Variants in RAPGEF2 observed in about 807,000 individuals in gnomAD.
RAPGEF2 encodes Rap guanine nucleotide exchange factor 2, also known as PDZ domain containing guanine nucleotide exchange factor (GEF) 1.
A neutral mutation model predicts 186.7 loss-of-function variants in RAPGEF2; 54 were observed. The ratio of observed to expected loss-of-function variants is 0.29; its 90% CI spans 0.23 to 0.36. The LOEUF (loss-of-function observed/expected upper bound fraction) is 0.36. RAPGEF2 is among the 10% of genes least tolerant of loss of function. The probability of loss-of-function intolerance (pLI) is 1.00; values close to 1 mark genes in which losing one functional copy is unlikely to be tolerated. For synonymous variants in RAPGEF2, 712 were observed against 705.9 expected (o/e 1.01, Z -0.14); for missense variants, 1,532 against 2,045.0 (o/e 0.75, Z 4.84).
At chr4:159,171,414 GA>G (rs2111248733) in intron 1 of RAPGEF2, among the ~76,000 whole-genome samples, 1 of 152,268 alleles carries the variant, frequency 6.6e-6, no homozygotes, top group South Asian at 2.1e-4. Context: ...CTGAGCCACA[GA>G]GAGGTTGAGT....
rs1273098512 is a variant in RAPGEF2 at position 159,286,122 on chromosome 4, AAACT to A, written c.544-18218_544-18215del. Among the ~76,000 whole-genome samples the A allele has an allele frequency of 2.7e-5, 4 of 147,860 alleles. No homozygotes were observed. In the South Asian group the frequency reaches 8.6e-4, roughly 32 times the overall value. On this transcript the variant is annotated intron_variant, in intron 7 of 29. Coordinates refer to ENST00000691494, the MANE Select transcript of RAPGEF2 (RefSeq NM_001394067.2). The stretch of plus-strand genomic sequence containing the variant: ...CCAACCAACCAACCATGCAGTCAAC[AAACT>A]ATTAGAGTCCCTAGTTTTCCTCATC...
At chr4:159,245,961 C>A (rs1312968523) in intron 7 of RAPGEF2, among the ~76,000 whole-genome samples, 1 of 152,066 alleles carries the variant, frequency 6.6e-6, no homozygotes, top group African/African-American at 2.4e-5. Context: ...TTCTGGTTGA[C>A]CCCACACCCC....
At chr4:159,350,368 A>G in intron 26 of RAPGEF2, 79 bp downstream of exon 26, 1 of 1,204,120 alleles carries the variant, frequency 8.3e-7, no homozygotes, top group Non-Finnish European at 1.1e-6. Context: ...GTAATGTATT[A>G]CATAATTCCT....
At chr4:159,288,701 C>T (rs1395868280) in intron 7 of RAPGEF2, among the ~76,000 whole-genome samples, 1 of 152,186 alleles carries the variant, frequency 6.6e-6, no homozygotes, top group Non-Finnish European at 1.5e-5. Context: ...TCACGCCTTA[C>T]CTTCCAGTGC....
chr4:159,245,199 T>C (rs7440447), intron 7 of RAPGEF2, among the ~76,000 whole-genome samples: 143,891 of 152,028 alleles, frequency 0.95, 68,119 homozygotes, highest in South Asian at 0.98. Flanking sequence ...TGATTTTCTT[T>C]AGAAACATGA....
chr4:159,105,341 A>G (rs1737760711), intron 1 of RAPGEF2, among the ~76,000 whole-genome samples: 1 of 152,178 alleles, frequency 6.6e-6, no homozygotes, highest in Non-Finnish European at 1.5e-5. Flanking sequence ...CATCTGTTCA[A>G]ATCCAAATGC....
At chr4:159,226,007 C>T (rs11730876) in intron 4 of RAPGEF2, among the ~76,000 whole-genome samples, 55,270 of 151,964 alleles carry the variant, frequency 0.36, 10,504 homozygotes, top group Non-Finnish European at 0.41. Flanking sequence ...TGTCAACCTC[C>T]TTTTTTATAA....
chr4:159,139,309 A>G (rs1252074659), intron 1 of RAPGEF2, among the ~76,000 whole-genome samples: 1 of 152,348 alleles, frequency 6.6e-6, no homozygotes, highest in South Asian at 2.1e-4. Flanking sequence ...GGTATGCACG[A>G]GTCAAATGAC....
chr4:159,344,251 A>T (rs1729965534), intron 23 of RAPGEF2, among the ~76,000 whole-genome samples, 192 bp downstream of exon 23: 1 of 152,152 alleles, frequency 6.6e-6, no homozygotes, highest in African/African-American at 2.4e-5. Flanking sequence ...TGAAGTCATG[A>T]TCCATGAGAG....
At chr4:159,216,325 G>A (rs918952812) in intron 4 of RAPGEF2, among the ~76,000 whole-genome samples, 5 of 152,122 alleles carry the variant, frequency 3.3e-5, no homozygotes, top group African/African-American at 1.2e-4. Context: ...AATTGACATG[G>A]CAAAGACCAT....
rs773334811 is a variant in RAPGEF2 at position 159,304,337 on chromosome 4, C to T, written c.544-5C>T. 1.3e-6 allele frequency: 2 copies of T among 1,596,980 alleles called. No homozygotes were observed. Among genetic ancestry groups the T allele is most frequent in the Non-Finnish European group, 1.7e-6 (2 of 1,168,670 alleles). On this transcript the variant is annotated splice_polypyrimidine_tract_variant and splice_region_variant and intron_variant, in intron 7 of 29. Transcript: ENST00000691494. The stretch of plus-strand genomic sequence containing the variant: ...TAATCCTAGTTTTTCCTGCTCCTTC[C>T]ATAGCTTCCTGCAGATTTCACAAAA...
At chr4:159,262,609 A>G (rs978439468) in intron 7 of RAPGEF2, among the ~76,000 whole-genome samples, 2 of 152,200 alleles carry the variant, frequency 1.3e-5, no homozygotes, top group African/African-American at 4.8e-5. Flanking sequence ...CATTTTTAAA[A>G]GCCCCACATG....
chr4:159,129,920 G>A (rs1260293702), intron 1 of RAPGEF2, among the ~76,000 whole-genome samples: 2 of 152,084 alleles, frequency 1.3e-5, no homozygotes, highest in African/African-American at 4.8e-5. Context: ...GAGGACTGGT[G>A]GCTGGCTGTT....
Position 159,279,077 on chromosome 4 carries a change from A to G in RAPGEF2, c.544-25265A>G, listed in dbSNP as rs533882515. Among the ~76,000 whole-genome samples, 3 of 152,322 alleles carry G rather than the reference A, an allele frequency of 2.0e-5. No individual in the cohort carries two copies. In the East Asian group the frequency reaches 5.8e-4, roughly 29 times the overall value. ...TTTACTAGTTCATTATTAGAGTGAA[A>G]AAACAACAGTAATGATATCATTAGT... On this transcript the variant is annotated intron_variant, in intron 7 of 29. Transcript: ENST00000691494.
chr4:159,185,262 G>C (rs1747444226), intron 1 of RAPGEF2, among the ~76,000 whole-genome samples: 1 of 152,248 alleles, frequency 6.6e-6, no homozygotes, highest in Admixed American at 6.5e-5. Flanking sequence ...AGTTTGGCAG[G>C]TCCTTAAAGA....
At chr4:159,315,451 T>C (rs1461274417) in intron 9 of RAPGEF2, among the ~76,000 whole-genome samples, 1 of 152,102 alleles carries the variant, frequency 6.6e-6, no homozygotes, top group Non-Finnish European at 1.5e-5. Flanking sequence ...ACAGGGTCGG[T>C]GGGTCTCTCC....
chr4:159,310,287 G>A (rs1353700665), intron 8 of RAPGEF2, among the ~76,000 whole-genome samples: 1 of 152,044 alleles, frequency 6.6e-6, no homozygotes, highest in East Asian at 1.9e-4. Flanking sequence ...ACTCCTCGTA[G>A]GATTGTAATT....
chr4:159,322,675 C>A (rs528014640), intron 10 of RAPGEF2, among the ~76,000 whole-genome samples, 192 bp downstream of exon 10: 1 of 152,216 alleles, frequency 6.6e-6, no homozygotes, highest in South Asian at 2.1e-4. Context: ...AAAGAAATAC[C>A]TGAGACTGGG....
intron 1 of RAPGEF2, among the ~76,000 whole-genome samples, chr4:159,152,068 T>C (rs1394839265): frequency 1.3e-5 from 2 of 152,198 alleles, no homozygotes; most frequent in African/African-American, 2.4e-5. Context: ...ACACCTATAA[T>C]TCTGGCCTTT....
Sources: allele counts gnomAD v4.1 joint callset (sites outside exome capture counted in the v4.1 genomes callset), GRCh38; gene constraint gnomAD v4.1.1; transcripts MANE v1.5; gene names NCBI Gene and HGNC (gene_info 2026-07-23, HGNC 2026-07-21).